SNTG2: variants seen among roughly 807,000 people sequenced by gnomAD.
The protein encoded by SNTG2 is gamma-2-syntrophin.
SNTG2 carries 74 observed loss-of-function variants against 70.9 expected under a neutral mutation model. That is an observed-to-expected ratio of 1.04 (90% CI 0.86 to 1.27). SNTG2 has a LOEUF of 1.27. SNTG2 is among the 50% of genes most tolerant of loss of function. The pLI is 0.00. For synonymous variants in SNTG2, 278 were observed against 273.8 expected, an observed-to-expected ratio of 1.02 and a Z score of -0.15; for missense variants, 717 against 690.7, an observed-to-expected ratio of 1.04 and a Z score of -0.43.
chr2:1,102,469 G>C (rs1236529184), intron 4 of SNTG2: 2 of 152,312 alleles, frequency 1.3e-5, no homozygotes, highest in Non-Finnish European at 2.9e-5. Context: ...CACGTCACAT[G>C]CTGCTGAAGG....
chr2:1,158,756 G>A (rs1022636683), intron 6 of SNTG2, among the ~76,000 whole-genome samples: 2 of 152,114 alleles, frequency 1.3e-5, no homozygotes, highest in South Asian at 2.1e-4. Flanking sequence ...GTAAGGCTGC[G>A]GCATGGTGAG....
intron 6 of SNTG2, among the ~76,000 whole-genome samples, chr2:1,152,495 G>A (rs935421524): frequency 2.0e-5 from 3 of 152,188 alleles, no homozygotes; most frequent in Admixed American, 6.5e-5. Flanking sequence ...GCATGGATGC[G>A]TATATTCGGT....
chr2:1,253,636 A>G (rs1191231690), intron 12 of SNTG2, among the ~76,000 whole-genome samples: 1 of 152,178 alleles, frequency 6.6e-6, no homozygotes, highest in Non-Finnish European at 1.5e-5. Flanking sequence ...GAGGAAGAAT[A>G]TTGAAGGAGA....
chr2:1,159,115 C>T (rs6713158), intron 6 of SNTG2, among the ~76,000 whole-genome samples: 135 of 11,134 alleles, frequency 0.012, no homozygotes, highest in Middle Eastern at 0.062. Flanking sequence ...CCTGTGTGTT[C>T]GTGTGTGTGT....
At chr2:1,028,903 C>G (rs1660653101) in intron 1 of SNTG2, among the ~76,000 whole-genome samples, 1 of 152,206 alleles carries the variant, frequency 6.6e-6, no homozygotes, top group East Asian at 1.9e-4. Flanking sequence ...AGGACCAGGC[C>G]AGTTCTAGAG....
intron 8 of SNTG2, among the ~76,000 whole-genome samples, chr2:1,191,611 C>T (rs1055596845): frequency 7.2e-5 from 11 of 152,030 alleles, no homozygotes; most frequent in East Asian, 1.9e-4. Flanking sequence ...CTGGCTAACA[C>T]GGTGAAACCC....
chr2:1,083,307 C>G (rs1664462334), intron 1 of SNTG2, among the ~76,000 whole-genome samples: 2 of 150,512 alleles, frequency 1.3e-5, no homozygotes, highest in Admixed American at 6.6e-5. Flanking sequence ...TATATAAATC[C>G]TACAAAAACG....
At chr2:1,038,341 C>G (rs1470717724) in intron 1 of SNTG2, among the ~76,000 whole-genome samples, 1 of 152,152 alleles carries the variant, frequency 6.6e-6, no homozygotes, top group South Asian at 2.1e-4. Context: ...GGAGTTTCTA[C>G]TTTCAGACTG....
intron 1 of SNTG2, among the ~76,000 whole-genome samples, chr2:998,869 CTT>C (rs756255330): frequency 1.4e-3 from 208 of 152,074 alleles, no homozygotes; most frequent in Admixed American, 4.6e-3. Flanking sequence ...AAGAAAAAAA[CTT>C]TGAATCATCA....
chr2:1,135,969 G>T (rs1668359505), intron 4 of SNTG2, among the ~76,000 whole-genome samples: 1 of 152,184 alleles, frequency 6.6e-6, no homozygotes, highest in Admixed American at 6.5e-5. Context: ...ATTTGATAAA[G>T]ATGGTGCTTC....
At chr2:1,245,872 A>G (rs1225713986) in intron 11 of SNTG2, among the ~76,000 whole-genome samples, 1 of 152,140 alleles carries the variant, frequency 6.6e-6, no homozygotes, top group African/African-American at 2.4e-5. Flanking sequence ...ACACTGTGAA[A>G]TTCCCGTAAT....
intron 8 of SNTG2, among the ~76,000 whole-genome samples, chr2:1,208,530 G>GT (rs1553356727): frequency 6.6e-6 from 1 of 152,142 alleles, no homozygotes; most frequent in Non-Finnish European, 1.5e-5. Flanking sequence ...GGGCTGCTGC[G>GT]TGGTGCTGTG....
chr2:1,003,952 T>G (rs1035973521), intron 1 of SNTG2, among the ~76,000 whole-genome samples: 5 of 152,222 alleles, frequency 3.3e-5, no homozygotes, highest in Non-Finnish European at 7.3e-5. Context: ...CTGGGGCTTC[T>G]GAAATCCCCA....
intron 1 of SNTG2, among the ~76,000 whole-genome samples, chr2:1,015,030 C>G (rs1000853011): frequency 3.3e-5 from 5 of 152,104 alleles, no homozygotes; most frequent in African/African-American, 7.2e-5. Context: ...CATCTCTGTC[C>G]TAAGAAGGAG....
chr2:1,041,224 C>T (rs1661417903), intron 1 of SNTG2, among the ~76,000 whole-genome samples: 1 of 152,166 alleles, frequency 6.6e-6, no homozygotes, highest in South Asian at 2.1e-4. Context: ...GAACAGTTAA[C>T]CATAGTTGGA....
At chr2:1,157,701 A>G (rs1171779851) in intron 6 of SNTG2, among the ~76,000 whole-genome samples, 1 of 152,230 alleles carries the variant, frequency 6.6e-6, no homozygotes, top group African/African-American at 2.4e-5. Context: ...ATAGAGAACT[A>G]CAGTGGAGTT....
chr2:1,077,843 T>C (rs1454703587), intron 1 of SNTG2, among the ~76,000 whole-genome samples: 2 of 152,220 alleles, frequency 1.3e-5, no homozygotes, highest in East Asian at 3.9e-4. Context: ...AGCAGTAGTC[T>C]GAAGATCTTT....
chr2:1,232,990 G>T (rs1259896542), intron 9 of SNTG2, among the ~76,000 whole-genome samples: 1 of 152,238 alleles, frequency 6.6e-6, no homozygotes, highest in Non-Finnish European at 1.5e-5. Context: ...CAGGCACAGA[G>T]GGAGGTGGTG....
At chr2:1,220,411 C>T (rs535786232) in intron 9 of SNTG2, among the ~76,000 whole-genome samples, 55 of 152,232 alleles carry the variant, frequency 3.6e-4, no homozygotes, top group Non-Finnish European at 7.5e-4. Context: ...CAGCAGCCCG[C>T]CAGGGACCTA....
Sources: allele counts gnomAD v4.1 joint callset (sites outside exome capture counted in the v4.1 genomes callset), GRCh38; gene constraint gnomAD v4.1.1; transcripts MANE v1.5; gene names NCBI Gene and HGNC (gene_info 2026-07-23, HGNC 2026-07-21).